Variants in PCDH15 observed in about 807,000 individuals in gnomAD.
The protein encoded by PCDH15 is protocadherin-15.
In PCDH15, 129 loss-of-function variants were observed where a neutral mutation model predicts 178.5. The ratio of observed to expected loss-of-function variants is 0.72; its 90% CI spans 0.63 to 0.84. The LOEUF (loss-of-function observed/expected upper bound fraction) is 0.84, where lower values mean the gene tolerates loss of function less well. Ranked by LOEUF, PCDH15 falls within the 40% of genes least tolerant of loss-of-function variation. The pLI, the probability that PCDH15 is intolerant of heterozygous loss-of-function variation, is 0.00. For synonymous variants in PCDH15, 800 were observed against 732.0 expected (o/e 1.09, Z -1.50); for missense variants, 2,230 against 2,099.9 (o/e 1.06, Z -1.21).
At chr10:54,334,413 C>A (rs1940578691) in intron 6 of PCDH15, among the ~76,000 whole-genome samples, 1 of 152,100 alleles carries the variant, frequency 6.6e-6, no homozygotes, top group South Asian at 2.1e-4. Context: ...CCCAGAATCC[C>A]CTTTACTAAT....
intron 2 of PCDH15, among the ~76,000 whole-genome samples, chr10:55,624,736 G>T (rs2257031): frequency 0.68 from 102,606 of 151,942 alleles, 35,167 homozygotes; most frequent in African/African-American, 0.79. Flanking sequence ...GACCAACATC[G>T]TTAGGCTGGA....
At chr10:55,181,408 G>A (rs1839643358) in intron 1 of PCDH15, among the ~76,000 whole-genome samples, 1 of 151,918 alleles carries the variant, frequency 6.6e-6, no homozygotes, top group South Asian at 2.1e-4. Context: ...ACTAATTAAT[G>A]TTTCTTTCTA....
At chr10:55,459,125 C>CA (rs950484505) in intron 2 of PCDH15, among the ~76,000 whole-genome samples, 1 of 146,484 alleles carries the variant, frequency 6.8e-6, no homozygotes, top group African/African-American at 2.5e-5. Context: ...ATGATACAAG[C>CA]AAAAGTACAA....
At chr10:54,078,051 G>A (rs534144175) in intron 17 of PCDH15, among the ~76,000 whole-genome samples, 15 of 152,136 alleles carry the variant, frequency 9.9e-5, no homozygotes, top group East Asian at 1.9e-4. Flanking sequence ...CAACAAGAGC[G>A]AAACTCCATC....
intron 8 of PCDH15, among the ~76,000 whole-genome samples, chr10:54,307,141 T>C (rs1180803322): frequency 2.1e-5 from 2 of 94,120 alleles, no homozygotes; most frequent in East Asian, 3.8e-4. Context: ...TATATATATA[T>C]ATATATATAA....
At chr10:54,084,995 C>A (rs1175129913) in intron 16 of PCDH15, among the ~76,000 whole-genome samples, 2 of 152,086 alleles carry the variant, frequency 1.3e-5, no homozygotes, top group Non-Finnish European at 1.5e-5. Flanking sequence ...TAGCAATTAA[C>A]AAAAACCTAC....
chr10:55,400,282 T>C (rs1838031073), intron 2 of PCDH15, among the ~76,000 whole-genome samples: 1 of 152,124 alleles, frequency 6.6e-6, no homozygotes, highest in Non-Finnish European at 1.5e-5. Flanking sequence ...ATTGTGATGT[T>C]GGCTGAGTGA....
intron 2 of PCDH15, among the ~76,000 whole-genome samples, chr10:54,648,863 G>T (rs887455477): frequency 3.3e-5 from 5 of 152,116 alleles, no homozygotes; most frequent in African/African-American, 1.2e-4. Flanking sequence ...GAATCCAGCA[G>T]ATCATGTGTG....
chr10:55,601,556 G>C (rs929244282), intron 2 of PCDH15, among the ~76,000 whole-genome samples: 18 of 152,136 alleles, frequency 1.2e-4, no homozygotes, highest in Non-Finnish European at 2.5e-4. Flanking sequence ...AGTAAGTGAT[G>C]TTAATTAGGT....
At chr10:53,842,699 A>G (rs1237815328) in intron 28 of PCDH15, among the ~76,000 whole-genome samples, 1 of 152,220 alleles carries the variant, frequency 6.6e-6, no homozygotes, top group East Asian at 1.9e-4. Flanking sequence ...ATTTCCATTA[A>G]TAAGCTTCTT....
At chr10:54,163,806 C>G (rs2045946078) in intron 13 of PCDH15, among the ~76,000 whole-genome samples, 1 of 152,056 alleles carries the variant, frequency 6.6e-6, no homozygotes, top group Non-Finnish European at 1.5e-5. Flanking sequence ...TCAATGATTA[C>G]TGAAATAACA....
chr10:53,808,643 C>A, intron 37 of PCDH15: 1 of 1,573,430 alleles, frequency 6.4e-7, no homozygotes. Context: ...GAAGGCACTG[C>A]ACACGAGAGC....
chr10:54,916,603 C>T (rs1381034147), intron 2 of PCDH15, among the ~76,000 whole-genome samples: 2 of 152,208 alleles, frequency 1.3e-5, no homozygotes, highest in Admixed American at 6.5e-5. Context: ...CATTTTCCAT[C>T]CTATGGCATA....
chr10:55,129,672 A>G (rs1837992638), intron 2 of PCDH15, among the ~76,000 whole-genome samples: 1 of 152,140 alleles, frequency 6.6e-6, no homozygotes, highest in African/African-American at 2.4e-5. Context: ...AGTTTTAAAG[A>G]AAGACTTATG....
At chr10:55,046,085 T>C (rs368892349) in intron 2 of PCDH15, among the ~76,000 whole-genome samples, 2 of 152,072 alleles carry the variant, frequency 1.3e-5, no homozygotes, top group Admixed American at 1.3e-4. Flanking sequence ...CTATGTACTA[T>C]GTACTAAGCA....
intron 2 of PCDH15, among the ~76,000 whole-genome samples, chr10:55,398,126 C>T (rs1337950578): frequency 6.6e-6 from 1 of 151,536 alleles, no homozygotes; most frequent in Non-Finnish European, 1.5e-5. Context: ...CACAAGTTAT[C>T]TCCTTTTCAT....
rs553962857 is a variant in PCDH15 at position 55,292,530 on chromosome 10, C to T, written c.-156+27069G>A. On this transcript the variant is annotated intron_variant, in intron 1 of 5. Coordinates refer to the PCDH15 transcript ENST00000458638. ...TGGAGTAGCTGATATAACAGGTGCTCGCCACCACGACCGGCTAATTTTTGT... is the reference window on the plus strand; with the variant it reads ...TGGAGTAGCTGATATAACAGGTGCTTGCCACCACGACCGGCTAATTTTTGT... 2.2e-4 allele frequency among the ~76,000 whole-genome samples: 34 copies of T among 152,074 alleles called. No individual in the cohort carries two copies. In the South Asian group the frequency reaches 3.5e-3, roughly 16 times the overall value.
intron 2 of PCDH15, among the ~76,000 whole-genome samples, chr10:55,461,608 C>T (rs1385074373): frequency 1.3e-5 from 2 of 152,018 alleles, no homozygotes; most frequent in Non-Finnish European, 2.9e-5. Context: ...AACATTGATG[C>T]ACAGGTATCT....
At chr10:54,948,107 T>C (rs1377501597) in intron 2 of PCDH15, among the ~76,000 whole-genome samples, 4 of 151,964 alleles carry the variant, frequency 2.6e-5, no homozygotes, top group Non-Finnish European at 5.9e-5. Context: ...TTATTCTTCA[T>C]AGACTATTTG....
Sources: gnomAD v4.1 joint callset for allele counts (sites outside exome capture counted in the v4.1 genomes callset) on GRCh38, gnomAD v4.1.1 for gene constraint, MANE v1.5 for transcripts, NCBI Gene and HGNC (gene_info 2026-07-23, HGNC 2026-07-21) for gene names.